The following PCDH9 variants were observed in gnomAD, a reference collection of about 807,000 sequenced individuals.
PCDH9 encodes the protein protocadherin-9.
A neutral mutation model predicts 70.6 loss-of-function variants in PCDH9; 24 were observed. The ratio of observed to expected loss-of-function variants is 0.34; its 90% CI spans 0.25 to 0.48. The LOEUF (loss-of-function observed/expected upper bound fraction) is 0.48. Ranked by LOEUF, PCDH9 falls within the 20% of genes least tolerant of loss-of-function variation. The pLI, the probability that PCDH9 is intolerant of heterozygous loss-of-function variation, is 0.99. For synonymous variants in PCDH9, 562 were observed against 558.5 expected (o/e 1.01, Z -0.09); for missense variants, 1,281 against 1,503.6 (o/e 0.85, Z 2.45).
chr13:66,860,008 A>G (rs1185481712), intron 3 of PCDH9, among the ~76,000 whole-genome samples: 3 of 152,172 alleles, frequency 2.0e-5, no homozygotes, highest in Non-Finnish European at 4.4e-5. Context: ...GTTGCACTAC[A>G]AGGTAGATTG....
chr13:66,760,864 T>G (rs1370433847), intron 3 of PCDH9, among the ~76,000 whole-genome samples: 1 of 152,138 alleles, frequency 6.6e-6, no homozygotes, highest in Middle Eastern at 3.2e-3. Flanking sequence ...CAGTTGTAGA[T>G]AAGGGATGAA....
At chr13:66,807,352 A>G (rs1050921800) in intron 3 of PCDH9, among the ~76,000 whole-genome samples, 2 of 152,172 alleles carry the variant, frequency 1.3e-5, no homozygotes, top group Admixed American at 1.3e-4. Flanking sequence ...GTGCAACACT[A>G]TTATACTATT....
rs567298185 is a variant in PCDH9, at chr13:66,302,960, C to T, written c.*1695G>A. On this transcript the variant is annotated 3_prime_UTR_variant, in exon 5 of 5. Coordinates refer to ENST00000377865, the MANE Select transcript of PCDH9 (RefSeq NM_203487.3). ...AAGTCATCAAACACCCCTCACAAACCGACAAAAATGTACTTCAATAAGCAA... is the reference window on the plus strand; with the variant it reads ...AAGTCATCAAACACCCCTCACAAACTGACAAAAATGTACTTCAATAAGCAA... 2 of 152,398 alleles carry T rather than the reference C, an allele frequency of 1.3e-5. No individual in the cohort carries two copies. The highest frequency in any genetic ancestry group is 1.9e-4 in the East Asian group (1 of 5,158). The allele number at this position is 152,398 out of a possible 1,614,324, so 9.4% of individuals were successfully genotyped here.
intron 2 of PCDH9, among the ~76,000 whole-genome samples, chr13:67,106,513 C>T (rs1405565608): frequency 6.6e-6 from 1 of 152,170 alleles, no homozygotes; most frequent in Non-Finnish European, 1.5e-5. Flanking sequence ...TAATTTGGCC[C>T]CACCACAATT....
At chr13:66,488,006 GA>G (rs1958973718) in intron 4 of PCDH9, among the ~76,000 whole-genome samples, 1 of 152,116 alleles carries the variant, frequency 6.6e-6, no homozygotes, top group Non-Finnish European at 1.5e-5. Flanking sequence ...ATATAGAGTA[GA>G]ACCACAGCTT....
intron 2 of PCDH9, among the ~76,000 whole-genome samples, chr13:67,135,107 AACTT>A (rs1242472674): frequency 1.3e-5 from 2 of 152,162 alleles, no homozygotes; most frequent in African/African-American, 4.8e-5. Context: ...TTATTTATAC[AACTT>A]ACTATGATTT....
At chr13:66,819,485 T>C (rs1467588183) in intron 3 of PCDH9, among the ~76,000 whole-genome samples, 1 of 152,128 alleles carries the variant, frequency 6.6e-6, no homozygotes, top group Non-Finnish European at 1.5e-5. Flanking sequence ...ATAAAAAATA[T>C]GATATCTTTA....
chr13:66,860,391 G>C (rs747428836), intron 3 of PCDH9, among the ~76,000 whole-genome samples: 1 of 152,172 alleles, frequency 6.6e-6, no homozygotes, highest in Non-Finnish European at 1.5e-5. Flanking sequence ...GGTTCAGCTT[G>C]CTGGTGAACA....
At chr13:66,831,819 C>T (rs955997590) in intron 3 of PCDH9, among the ~76,000 whole-genome samples, 1 of 151,954 alleles carries the variant, frequency 6.6e-6, no homozygotes, top group African/African-American at 2.4e-5. Context: ...ATGGATTTTA[C>T]CCTAGTATAA....
intron 3 of PCDH9, among the ~76,000 whole-genome samples, chr13:66,766,883 T>TA (rs1450078226): frequency 6.6e-6 from 1 of 152,014 alleles, no homozygotes; most frequent in Non-Finnish European, 1.5e-5. Flanking sequence ...AACATGGTGT[T>TA]AGAGTACCCC....
chr13:66,758,719 T>G (rs1298183961), intron 3 of PCDH9, among the ~76,000 whole-genome samples: 1 of 152,060 alleles, frequency 6.6e-6, no homozygotes, highest in Non-Finnish European at 1.5e-5. Context: ...TTTAAATGTT[T>G]GATAGAATTC....
At chr13:66,457,254 T>C (rs1035798031) in intron 4 of PCDH9, among the ~76,000 whole-genome samples, 12 of 152,102 alleles carry the variant, frequency 7.9e-5, no homozygotes, top group Non-Finnish European at 1.3e-4. Context: ...TCTCCAGCTT[T>C]CCTAAAATAA....
intron 4 of PCDH9, among the ~76,000 whole-genome samples, chr13:66,439,932 T>G (rs1215787520): frequency 6.6e-6 from 1 of 152,158 alleles, no homozygotes; most frequent in Non-Finnish European, 1.5e-5. Context: ...TTTTAGATTG[T>G]AGGTAAGTTA....
In PCDH9 at chr13:66,831,468, A is replaced by G. The variant is rs539462409; in HGVS notation, c.3138+72036T>C. Among the ~76,000 whole-genome samples, 4 of 152,280 alleles carry G rather than the reference A, an allele frequency of 2.6e-5. No homozygotes were observed. In the South Asian group the frequency reaches 8.3e-4, roughly 32 times the overall value. ...AGCTGTGACAAGCATACTAATTTGT[A>G]TTCACCTTTTGTGTTTATTAGCTGG... On this transcript the variant is annotated intron_variant, in intron 3 of 4. Transcript: ENST00000377865.
chr13:66,637,024 A>T (rs1253156484), intron 3 of PCDH9, among the ~76,000 whole-genome samples: 3 of 152,146 alleles, frequency 2.0e-5, no homozygotes, highest in Non-Finnish European at 2.9e-5. Context: ...TATAATATTC[A>T]CTAGAAATAT....
chr13:66,305,695 T>C (rs1454553302), intron 4 of PCDH9, among the ~76,000 whole-genome samples: 1 of 152,068 alleles, frequency 6.6e-6, no homozygotes, highest in East Asian at 1.9e-4. Flanking sequence ...GAAATCCAAG[T>C]AAAGAAGAAG....
At chr13:66,446,409 C>T (rs1404680596) in intron 4 of PCDH9, among the ~76,000 whole-genome samples, 1 of 151,868 alleles carries the variant, frequency 6.6e-6, no homozygotes, top group Non-Finnish European at 1.5e-5. Context: ...TATAGCAATT[C>T]CATTAAAAAT....
intron 2 of PCDH9, among the ~76,000 whole-genome samples, chr13:66,908,331 C>T (rs1407733154): frequency 6.6e-6 from 1 of 152,162 alleles, no homozygotes. Flanking sequence ...TCTTCTCCTG[C>T]TCTCTCTCTG....
chr13:66,645,004 C>T (rs999539795), intron 3 of PCDH9, among the ~76,000 whole-genome samples: 2 of 152,138 alleles, frequency 1.3e-5, no homozygotes, highest in Middle Eastern at 3.4e-3. Context: ...AATCACCTTT[C>T]CTGGAACAGA....
Sources: gnomAD v4.1 joint callset for allele counts (sites outside exome capture counted in the v4.1 genomes callset) on GRCh38, gnomAD v4.1.1 for gene constraint, MANE v1.5 for transcripts, NCBI Gene and HGNC (gene_info 2026-07-23, HGNC 2026-07-21) for gene names.